The following SLC25A51 variants were observed in gnomAD, a reference collection of about 807,000 sequenced individuals.
The protein encoded by SLC25A51 is solute carrier family 25 member 51.
Under a neutral mutation model 19.1 loss-of-function variants are expected in SLC25A51, and 11 were observed. The observed-to-expected ratio is 0.58, with a 90% CI of 0.36 to 0.96. The LOEUF (loss-of-function observed/expected upper bound fraction) is 0.96. Among genes scored for constraint, SLC25A51 ranks in the 40% least tolerant of loss-of-function variants. The pLI is 0.01. For missense variants in SLC25A51, 201 were observed against 365.4 expected (o/e 0.55, Z 3.67); for synonymous variants, 105 against 133.6 (o/e 0.79, Z 1.47).
chr9:37,891,754 A>G (rs965746347), intron 2 of SLC25A51, among the ~76,000 whole-genome samples: 15 of 151,902 alleles, frequency 9.9e-5, no homozygotes, highest in Admixed American at 9.8e-4. Context: ...GGAAAACCAG[A>G]GACCTTTGTT....
chr9:37,891,310 G>A (rs2118333366), intron 2 of SLC25A51, among the ~76,000 whole-genome samples: 2 of 152,306 alleles, frequency 1.3e-5, no homozygotes, highest in African/African-American at 4.8e-5. Flanking sequence ...GCCCCTTCTG[G>A]GAAGTGAGGA....
intron 2 of SLC25A51, among the ~76,000 whole-genome samples, chr9:37,893,353 T>C (rs1336106132): frequency 2.0e-5 from 3 of 152,244 alleles, no homozygotes; most frequent in African/African-American, 7.2e-5. Context: ...TGCTGTCATG[T>C]TCCTATTAGA....
chr9:37,879,394 C>A, downstream of SLC25A51: 1 of 186,566 alleles, frequency 5.4e-6, no homozygotes, highest in South Asian at 1.5e-4. Context: ...GTTTGCTACT[C>A]AGATATTTGG....
At chr9:37,890,127 G>A (rs941762778) in intron 2 of SLC25A51, among the ~76,000 whole-genome samples, 1 of 152,160 alleles carries the variant, frequency 6.6e-6, no homozygotes, top group Non-Finnish European at 1.5e-5. Flanking sequence ...GCTTATGCCT[G>A]TAATCCCAGC....
exon 4 of SLC25A51, chr9:37,879,720 C>T (rs1305453861): frequency 6.6e-6 from 1 of 152,128 alleles, no homozygotes; most frequent in Non-Finnish European, 1.5e-5. Context: ...AGAGTGTAAG[C>T]CAGCTTCCCC....
chr9:37,884,756 C>T (rs973637007), downstream of SLC25A51, among the ~76,000 whole-genome samples: 2 of 152,166 alleles, frequency 1.3e-5, no homozygotes, highest in African/African-American at 2.4e-5. Flanking sequence ...TTGATCCACA[C>T]ACAAAATGAA....
At chr9:37,897,728 G>A (rs1360872363) in intron 2 of SLC25A51, among the ~76,000 whole-genome samples, 2 of 151,818 alleles carry the variant, frequency 1.3e-5, no homozygotes. Context: ...CTCTCCTAGG[G>A]ATTATCATTA....
downstream of SLC25A51, chr9:37,879,171 C>A: frequency 3.0e-6 from 1 of 329,674 alleles, no homozygotes; most frequent in Non-Finnish European, 6.2e-6. Flanking sequence ...AGGATTAAAG[C>A]TGAGTATGAA....
downstream of SLC25A51, among the ~76,000 whole-genome samples, chr9:37,883,273 T>C (rs950961130): frequency 1.3e-5 from 2 of 152,220 alleles, no homozygotes; most frequent in Non-Finnish European, 2.9e-5. Context: ...TGCTAAATTT[T>C]TTGTCAAATT....
At chr9:37,894,937 C>T (rs1264703704) in intron 2 of SLC25A51, among the ~76,000 whole-genome samples, 4 of 152,190 alleles carry the variant, frequency 2.6e-5, no homozygotes, top group African/African-American at 9.7e-5. Context: ...CATGTTCCAG[C>T]AAAGGGCACA....
At chr9:37,885,721 T>C (rs1352544483), downstream of SLC25A51, 2 of 1,428,584 alleles carry the variant, frequency 1.4e-6, no homozygotes, top group African/African-American at 1.4e-5. Flanking sequence ...AGTGCCATTG[T>C]GATGATGAAG....
downstream of SLC25A51, chr9:37,886,442 T>C: frequency 6.6e-7 from 1 of 1,525,982 alleles, no homozygotes. Flanking sequence ...GCTCTTTCCA[T>C]AACCACAAGC....
At chr9:37,899,630 G>A (rs1299771606) in intron 2 of SLC25A51, among the ~76,000 whole-genome samples, 199 bp downstream of exon 2, 7 of 152,114 alleles carry the variant, frequency 4.6e-5, no homozygotes, top group Non-Finnish European at 8.8e-5. Context: ...CTCCCAAAGT[G>A]TTGGGATTAT....
chr9:37,896,863 G>A (rs1831726157), intron 2 of SLC25A51, among the ~76,000 whole-genome samples: 1 of 152,178 alleles, frequency 6.6e-6, no homozygotes, highest in South Asian at 2.1e-4. Flanking sequence ...TAGATGGAAA[G>A]AGTGAAAATT....
intron 2 of SLC25A51, among the ~76,000 whole-genome samples, chr9:37,896,617 G>A (rs558512968): frequency 6.6e-6 from 1 of 152,264 alleles, no homozygotes; most frequent in East Asian, 1.9e-4. Flanking sequence ...CCAACATGGC[G>A]AAACTCCATC....
At chr9:37,901,398 G>A (rs1417429285) in intron 1 of SLC25A51, among the ~76,000 whole-genome samples, 3 of 152,136 alleles carry the variant, frequency 2.0e-5, no homozygotes, top group Admixed American at 6.5e-5. Flanking sequence ...AAACTCCTGA[G>A]CTCAAGTGAT....
chr9:37,885,965 G>A, downstream of SLC25A51: 1 of 1,613,770 alleles, frequency 6.2e-7, no homozygotes, highest in Non-Finnish European at 8.5e-7. Context: ...GGACAACAGG[G>A]TCACTTGGAT....
chr9:37,894,663 G>A (rs535471238), intron 2 of SLC25A51, among the ~76,000 whole-genome samples: 102 of 152,190 alleles, frequency 6.7e-4, no homozygotes, highest in Non-Finnish European at 1.2e-3. Flanking sequence ...ACGTGTGCAG[G>A]TTTGTTATGT....
chr9:37,895,949 G>A (rs1831705731), intron 2 of SLC25A51, among the ~76,000 whole-genome samples: 1 of 151,974 alleles, frequency 6.6e-6, no homozygotes, highest in African/African-American at 2.4e-5. Context: ...AAGTAGCTGG[G>A]ATGATAGGTG....
Sources: allele counts gnomAD v4.1 joint callset (sites outside exome capture counted in the v4.1 genomes callset), GRCh38; gene constraint gnomAD v4.1.1; transcripts MANE v1.5; gene names NCBI Gene and HGNC (gene_info 2026-07-23, HGNC 2026-07-21).